The following DTL variants were observed in gnomAD, a reference collection of about 807,000 sequenced individuals.
DTL encodes the protein denticleless E3 ubiquitin protein ligase adapter, also known as denticleless protein homolog.
A neutral mutation model predicts 87.0 loss-of-function variants in DTL; 46 were observed. The observed-to-expected ratio is 0.53, with a 90% CI of 0.42 to 0.68. The LOEUF (loss-of-function observed/expected upper bound fraction) is 0.68. Among genes scored for constraint, DTL ranks in the 30% least tolerant of loss-of-function variants. DTL has a pLI of 0.00. For missense variants in DTL, 737 were observed against 869.4 expected, an observed-to-expected ratio of 0.85 and a Z score of 1.91; for synonymous variants, 308 against 311.2, an observed-to-expected ratio of 0.99 and a Z score of 0.11.
chr1:212,080,662 T>C lies in DTL; in HGVS notation c.1173T>C (p.Asn391=), dbSNP rs1477203508. The C allele has an allele frequency of 1.2e-6, 2 of 1,613,654 alleles. No homozygotes were observed. The highest frequency in any genetic ancestry group is 2.2e-5 in the South Asian group (2 of 91,062). ...ATACACTAAAAATCTGGCGCTTGAATAGAGGCTTAGAGGAGAAACCAGGAG... is the reference window on the plus strand; with the variant it reads ...ATACACTAAAAATCTGGCGCTTGAACAGAGGCTTAGAGGAGAAACCAGGAG... ...DDNTLKIWRL[N]RGLEEKPGGD... Residue 391 remains asparagine, a synonymous_variant, in exon 13 of 15, where the codon AAT becomes AAC. Transcript: ENST00000366991.
intron 11 of DTL, among the ~76,000 whole-genome samples, chr1:212,077,363 A>T (rs1216909661): frequency 6.6e-6 from 1 of 152,204 alleles, no homozygotes; most frequent in Admixed American, 6.5e-5. Flanking sequence ...TATGATTCTT[A>T]GTCACATGTA....
intron 11 of DTL, among the ~76,000 whole-genome samples, chr1:212,077,034 C>G (rs1007073978): frequency 2.6e-5 from 4 of 152,012 alleles, no homozygotes; most frequent in Admixed American, 6.6e-5. Flanking sequence ...TGTGTCAGAT[C>G]TCTTAACCAT....
chr1:212,062,876 C>T lies in DTL; in HGVS notation c.461-8C>T, dbSNP rs763396660. On this transcript the variant is annotated splice_polypyrimidine_tract_variant and splice_region_variant and intron_variant, in intron 5 of 14. Coordinates refer to ENST00000366991, the MANE Select transcript of DTL (RefSeq NM_016448.4). ...TAACCTCTTAATAATCTGTTTATTT[C>T]CCCACAGCTGTATTCTGTACGGGTG... The T allele has an allele frequency of 9.9e-6, 16 of 1,611,518 alleles. No homozygotes were observed. In the Admixed American group the frequency reaches 1.3e-4, roughly 13 times the overall value.
At chr1:212,068,762 A>C (rs1229389909) in intron 10 of DTL, 59 bp downstream of exon 10, 1 of 1,126,858 alleles carries the variant, frequency 8.9e-7, no homozygotes, top group African/African-American at 1.6e-5. Context: ...TTTTTTTGGT[A>C]ATGATAATTT....
At chr1:212,051,258 C>G (rs538662885) in intron 5 of DTL, among the ~76,000 whole-genome samples, 1 of 151,936 alleles carries the variant, frequency 6.6e-6, no homozygotes, top group Non-Finnish European at 1.5e-5. Context: ...CCTCCCTGAA[C>G]TCATGATTTC....
At position 212,035,930 on chromosome 1, in the gene DTL, G is replaced by T; in HGVS notation, c.40G>T (p.Val14Phe). 6.2e-7 allele frequency: 1 copy of T among 1,614,098 alleles called. No homozygotes were observed. The highest frequency in any genetic ancestry group is 8.5e-7 in the Non-Finnish European group (1 of 1,180,014). Reference sequence around the variant, plus strand: ...GGTGCTCCGCCAGCCCCAGCTTGGCGTCCTGAGAAATGGTGAGTAACGGTC... The same window carrying T: ...GGTGCTCCGCCAGCCCCAGCTTGGCTTCCTGAGAAATGGTGAGTAACGGTC... ...NSVLRQPQLG[V>F]LRNGWSSQYP... is the part of the protein sequence containing the mutation. Residue 14 changes from valine to phenylalanine, a missense_variant, in exon 1 of 15, where the codon GTC (valine) becomes TTC (phenylalanine). By Grantham distance (50) the Val-to-Phe change is conservative. Coordinates refer to ENST00000366991, the MANE Select transcript of DTL (RefSeq NM_016448.4).
intron 7 of DTL, among the ~76,000 whole-genome samples, chr1:212,065,534 ATC>A (rs1654466162): frequency 1.3e-5 from 2 of 152,154 alleles, no homozygotes; most frequent in East Asian, 1.9e-4. Flanking sequence ...ATCCCTAAAA[ATC>A]TCTCTACACA....
At chr1:212,044,508 G>T in intron 2 of DTL, 152 bp from the exon 3 acceptor site, 1 of 521,520 alleles carries the variant, frequency 1.9e-6, no homozygotes. Context: ...GGATGCTGAG[G>T]CAGGAGAATC....
intron 5 of DTL, among the ~76,000 whole-genome samples, chr1:212,055,815 T>C (rs1306131881): frequency 2.0e-5 from 3 of 152,122 alleles, no homozygotes; most frequent in African/African-American, 2.4e-5. Context: ...CAGTTCCACC[T>C]AGCCTGGCTT....
At position 212,103,812 on chromosome 1, in the gene DTL, A is replaced by G. The variant is rs150400808; in HGVS notation, c.*872A>G. The G allele has an allele frequency of 5.9e-5, 9 of 152,266 alleles. No homozygotes were observed. Among genetic ancestry groups the G allele is most frequent in the African/African-American group, 2.2e-4 (9 of 41,556 alleles). 9.4% of individuals were successfully genotyped at this position (152,266 alleles called of 1,614,324 possible). A position where few individuals can be genotyped will look rare whatever the true frequency, so the allele number is the denominator to read the frequency against. Reference sequence around the variant, plus strand: ...AGTCATCAGTTCTTTAGGGGCTGCAATGTTTTAAAAAAAATAAGTCATCAG... The same window carrying G: ...AGTCATCAGTTCTTTAGGGGCTGCAGTGTTTTAAAAAAAATAAGTCATCAG... On this transcript the variant is annotated 3_prime_UTR_variant, in exon 15 of 15. Transcript: ENST00000366991.
intron 6 of DTL, 98 bp downstream of exon 6, chr1:212,063,047 G>A (rs1377360044): frequency 2.3e-6 from 2 of 884,078 alleles, no homozygotes; most frequent in Non-Finnish European, 3.7e-6. Context: ...CCACCAGGGG[G>A]CATGTACTCA....
chr1:212,086,868 A>G (rs947443873), intron 13 of DTL, among the ~76,000 whole-genome samples: 1 of 152,196 alleles, frequency 6.6e-6, no homozygotes, highest in East Asian at 1.9e-4. Context: ...TAAGATTCCC[A>G]AAGGTGGAAT....
intron 13 of DTL, among the ~76,000 whole-genome samples, chr1:212,093,161 G>A (rs978887826): frequency 2.0e-5 from 3 of 152,130 alleles, no homozygotes; most frequent in African/African-American, 7.2e-5. Flanking sequence ...GGCGTGCGAT[G>A]AGGGTGTGGC....
intron 13 of DTL, 36 bp downstream of exon 13, chr1:212,080,786 T>G (rs1654968742): frequency 6.2e-7 from 1 of 1,609,068 alleles, no homozygotes; most frequent in Non-Finnish European, 8.5e-7. Context: ...TTTTTTATGG[T>G]TTGACTAGTT....
rs77868537 is a variant in DTL at position 212,042,041 on chromosome 1, G to A, written c.53-952G>A. Among the ~76,000 whole-genome samples the A allele has an allele frequency of 2.4e-4, 37 of 152,304 alleles. No individual in the cohort carries two copies. In the East Asian group the frequency reaches 6.7e-3, roughly 28 times the overall value. Reference sequence around the variant, plus strand: ...TTTTGATGAAAAGTGAGGATTCAGAGTACCCTAAAATGTGAGTTTGTTAAT... The same window carrying A: ...TTTTGATGAAAAGTGAGGATTCAGAATACCCTAAAATGTGAGTTTGTTAAT... On this transcript the variant is annotated intron_variant, in intron 1 of 14. Coordinates refer to ENST00000366991, the MANE Select transcript of DTL (RefSeq NM_016448.4).
intron 11 of DTL, among the ~76,000 whole-genome samples, chr1:212,072,416 G>C (rs889584580): frequency 6.6e-6 from 1 of 152,212 alleles, no homozygotes; most frequent in Admixed American, 6.5e-5. Context: ...GCCATAGCTT[G>C]TCAGAAATTG....
intron 1 of DTL, among the ~76,000 whole-genome samples, 175 bp downstream of exon 1, chr1:212,036,117 C>T (rs1667447062): frequency 1.3e-5 from 2 of 152,200 alleles, no homozygotes; most frequent in African/African-American, 4.8e-5. Flanking sequence ...TTCATCCCCT[C>T]GGGACACTTG....
intron 1 of DTL, among the ~76,000 whole-genome samples, chr1:212,041,536 C>T (rs184539382): frequency 1.1e-3 from 172 of 151,188 alleles, no homozygotes; most frequent in Middle Eastern, 3.4e-3. Context: ...GACGGAGTGT[C>T]GCTGTGTTGC....
At chr1:212,064,701 T>G (rs1351632941) in intron 6 of DTL, among the ~76,000 whole-genome samples, 4 of 152,362 alleles carry the variant, frequency 2.6e-5, no homozygotes, top group Admixed American at 6.5e-5. Context: ...ACATCTTGGT[T>G]GTTTCCAAGT....
Sources: gnomAD v4.1 joint callset for allele counts (sites outside exome capture counted in the v4.1 genomes callset) on GRCh38, gnomAD v4.1.1 for gene constraint, MANE v1.5 for transcripts, NCBI Gene and HGNC (gene_info 2026-07-23, HGNC 2026-07-21) for gene names.